Variants in BRD9 observed in about 807,000 individuals in gnomAD.
BRD9 encodes bromodomain containing 9, also known as bromodomain-containing protein 9.
In BRD9, 47 loss-of-function variants were observed where a neutral mutation model predicts 68.7. That is an observed-to-expected ratio of 0.68 (90% CI 0.54 to 0.87). The LOEUF (loss-of-function observed/expected upper bound fraction) is 0.87. Among genes scored for constraint, BRD9 ranks in the 40% least tolerant of loss-of-function variants. The pLI, the probability that BRD9 is intolerant of heterozygous loss-of-function variation, is 0.00. For missense variants in BRD9, 670 were observed against 748.4 expected, an observed-to-expected ratio of 0.90 and a Z score of 1.22; for synonymous variants, 313 against 293.9, an observed-to-expected ratio of 1.06 and a Z score of -0.67.
At chr5:884,094 C>G in intron 7 of BRD9, 24 bp from the exon 8 acceptor site, 1 of 1,607,294 alleles carries the variant, frequency 6.2e-7, no homozygotes, top group South Asian at 1.1e-5. Flanking sequence ...ACAACCAAGT[C>G]ACCTGGAGGC....
chr5:877,221 T>C (rs1013834804), intron 11 of BRD9, among the ~76,000 whole-genome samples: 2 of 152,118 alleles, frequency 1.3e-5, no homozygotes, highest in African/African-American at 4.8e-5. Flanking sequence ...GCGGACAGGA[T>C]GGCACCAGGG....
rs373833562 is a variant in BRD9 at position 871,614 on chromosome 5, G to C, written c.1384-50C>G. ...CTAGTTTTTCCAGAGTGATTTCATA[G>C]AAACGGACAATTCGCTGACATTACA... On this transcript the variant is annotated intron_variant, in intron 12 of 15. Transcript: ENST00000467963. 128 of 1,552,372 alleles carry C rather than the reference G, an allele frequency of 8.2e-5. No individual in the cohort carries two copies. In the African/African-American group the frequency reaches 1.5e-3, roughly 18 times the overall value.
chr5:865,816 C>T, intron 14 of BRD9: 1 of 510,878 alleles, frequency 2.0e-6, no homozygotes, highest in Non-Finnish European at 3.5e-6. Context: ...AGCAAAGCAT[C>T]AGACAAGACC....
intron 14 of BRD9, among the ~76,000 whole-genome samples, chr5:869,976 T>C (rs1481585100): frequency 1.3e-5 from 2 of 152,234 alleles, no homozygotes; most frequent in African/African-American, 2.4e-5. Flanking sequence ...CTAAATACCC[T>C]GCAGAGTTTG....
intron 7 of BRD9, among the ~76,000 whole-genome samples, chr5:884,823 G>A (rs940267530): frequency 9.2e-5 from 14 of 152,248 alleles, no homozygotes; most frequent in Non-Finnish European, 2.1e-4. Flanking sequence ...CATGAGCTCC[G>A]CAGGGAGGGG....
chr5:883,979 C>T lies in BRD9; in HGVS notation c.925G>A (p.Glu309Lys), dbSNP rs1453005192. The T allele has an allele frequency of 6.8e-6, 11 of 1,613,396 alleles. No individual in the cohort carries two copies. Among genetic ancestry groups the T allele is most frequent in the East Asian group, 4.5e-5 (2 of 44,878 alleles). ...VLALVEHAAD[E>K]ARDRINRFLP... ...AACCGGTTGATCCTGTCCCGAGCTT[C>T]GTCAGCTGCGTGCTCCACCAGCGCC... is the stretch of plus-strand genomic sequence containing the variant. Residue 309 changes from glutamate (E) to lysine (K), a missense_variant, in exon 8 of 16, where the codon GAA (glutamate) becomes AAA (lysine). Coordinates refer to ENST00000467963, the MANE Select transcript of BRD9 (RefSeq NM_023924.5).
chr5:888,587 A>C (rs971265954), intron 5 of BRD9, among the ~76,000 whole-genome samples: 1 of 152,256 alleles, frequency 6.6e-6, no homozygotes, highest in Non-Finnish European at 1.5e-5. Flanking sequence ...GTAGCAAGAA[A>C]CAGAGCTAAG....
In BRD9 at chr5:891,183, C is replaced by T; in HGVS notation, c.372G>A (p.Arg124=). The T allele has an allele frequency of 1.3e-6, 2 of 1,551,694 alleles. No homozygotes were observed. Among genetic ancestry groups the T allele is most frequent in the Non-Finnish European group, 1.7e-6 (2 of 1,146,958 alleles). Residue 124 remains arginine, a synonymous_variant, in exon 3 of 16, where the codon CGG becomes CGA. Coordinates refer to ENST00000467963, the MANE Select transcript of BRD9 (RefSeq NM_023924.5). ...KKVEVEPPPD[R]PVRACRTQPA... Reference sequence around the variant, plus strand: ...GCTGTGTCCGGCACGCTCGGACTGGCCGATCTGGGGGCGGCTCCACCTCCA... The same window carrying T: ...GCTGTGTCCGGCACGCTCGGACTGGTCGATCTGGGGGCGGCTCCACCTCCA...
chr5:891,781 G>C lies in BRD9; in HGVS notation c.126C>G (p.Leu42=), dbSNP rs372155875. Residue 42 remains leucine, a synonymous_variant, in exon 2 of 16, where the codon CTC becomes CTG. Transcript: ENST00000467963. ...AACTGGAGTCGTGGCCGGATCCTGA[G>C]AGTTCAGTCACTTCACTTCCTCCGA... The part of the protein sequence containing the change: ...LKVGGSEVTE[L]SGSGHDSSYY... The C allele has an allele frequency of 2.3e-5, 35 of 1,551,552 alleles. No homozygotes were observed. The African/African-American group carries it at 3.8e-4, about 17-fold the overall frequency.
chr5:885,947 G>A (rs1006301028), intron 7 of BRD9, among the ~76,000 whole-genome samples: 1 of 152,130 alleles, frequency 6.6e-6, no homozygotes, highest in African/African-American at 2.4e-5. Context: ...ATGAGACAAA[G>A]AGCCCCCATG....
intron 8 of BRD9, chr5:882,508 C>G: frequency 1.8e-5 from 3 of 164,178 alleles, no homozygotes; most frequent in Non-Finnish European, 3.9e-5. Flanking sequence ...GCCACACAGA[C>G]CACAACCCCC....
intron 12 of BRD9, among the ~76,000 whole-genome samples, chr5:872,782 C>T (rs961682322): frequency 4.6e-5 from 7 of 152,180 alleles, no homozygotes; most frequent in Non-Finnish European, 8.8e-5. Flanking sequence ...AGTAAATCAG[C>T]GACTTGATAA....
intron 6 of BRD9, 175 bp from the exon 7 acceptor site, chr5:886,882 T>G: frequency 8.6e-7 from 1 of 1,162,100 alleles, no homozygotes; most frequent in Non-Finnish European, 1.2e-6. Flanking sequence ...AGAGCTAACT[T>G]TCCACGGCGG....
chr5:875,636 C>G (rs115839311), intron 12 of BRD9, among the ~76,000 whole-genome samples: 1 of 152,154 alleles, frequency 6.6e-6, no homozygotes, highest in African/African-American at 2.4e-5. Context: ...TGTGAGCCAC[C>G]ATGCTTGGCC....
chr5:875,136 G>A (rs748299364), intron 12 of BRD9, among the ~76,000 whole-genome samples: 7 of 152,208 alleles, frequency 4.6e-5, no homozygotes, highest in South Asian at 2.1e-4. Flanking sequence ...GCCAGATCCC[G>A]TCCTGCCGAG....
intron 14 of BRD9, among the ~76,000 whole-genome samples, chr5:869,781 T>C (rs1749870541): frequency 1.3e-5 from 2 of 152,234 alleles, no homozygotes; most frequent in African/African-American, 4.8e-5. Context: ...CATTCCTCGC[T>C]TCAAGTTGTC....
chr5:887,296 G>T, intron 6 of BRD9, 65 bp downstream of exon 6: 1 of 1,380,842 alleles, frequency 7.2e-7, no homozygotes, highest in Non-Finnish European at 1.0e-6. Context: ...GCTCCCTTCG[G>T]GCACAAGCGA....
chr5:889,222 C>A lies in BRD9; in HGVS notation c.462-57G>T, dbSNP rs1055515985. 2.6e-6 allele frequency: 4 copies of A among 1,539,342 alleles called. No homozygotes were observed. In the East Asian group the frequency reaches 6.9e-5, roughly 27 times the overall value. On this transcript the variant is annotated intron_variant, in intron 4 of 15. Coordinates refer to ENST00000467963, the MANE Select transcript of BRD9 (RefSeq NM_023924.5). ...TCTAGATTTCTAAATGATACAAAAT[C>A]TCTTACAATCCAAAAATTGGATACA...
intron 14 of BRD9, 132 bp downstream of exon 14, chr5:870,341 C>T (rs56407886): frequency 7.2e-6 from 5 of 697,292 alleles, no homozygotes; most frequent in Non-Finnish European, 1.2e-5. Flanking sequence ...GGGACAAAGA[C>T]CAAATACCGT....
Sources: gnomAD v4.1 joint callset for allele counts (sites outside exome capture counted in the v4.1 genomes callset) on GRCh38, gnomAD v4.1.1 for gene constraint, MANE v1.5 for transcripts, NCBI Gene and HGNC (gene_info 2026-07-23, HGNC 2026-07-21) for gene names.